Variants in JPH4 observed in about 807,000 individuals in gnomAD.
JPH4 encodes junctophilin-4.
A neutral mutation model predicts 57.6 loss-of-function variants in JPH4; 18 were observed. The observed-to-expected ratio is 0.31, with a 90% CI of 0.22 to 0.46. The LOEUF (loss-of-function observed/expected upper bound fraction) is 0.46. Among genes scored for constraint, JPH4 ranks in the 20% least tolerant of loss-of-function variants. JPH4 has a pLI of 1.00. For missense variants in JPH4, 727 were observed against 911.1 expected (o/e 0.80, Z 2.60); for synonymous variants, 425 against 406.6 (o/e 1.05, Z -0.54).
intron 3 of JPH4, among the ~76,000 whole-genome samples, chr14:23,574,214 G>A (rs374164048): frequency 2.6e-4 from 38 of 146,104 alleles, no homozygotes; most frequent in Non-Finnish European, 4.9e-4. Flanking sequence ...CACTTTTCTC[G>A]CCCAGGCTAG....
In JPH4 at chr14:23,577,658, G is replaced by A. The variant is rs78998257; in HGVS notation, c.-171-34C>T. 1.3e-3 allele frequency: 539 copies of A among 426,798 alleles called. 11 individuals carry two copies. The East Asian group carries it at 0.018, about 14-fold the overall frequency. The allele number at this position is 426,798 out of a possible 1,614,324, so 26.4% of individuals were successfully genotyped here. ...AAAGAGGGAGGGGGGCAAGTGGCGA[G>A]AGAGGCCCCTCCTCTTTGCCCGCCG... On this transcript the variant is annotated intron_variant, in intron 1 of 5. Coordinates refer to ENST00000356300, the MANE Select transcript of JPH4 (RefSeq NM_001146028.2). This position sits in a 1 kb window ranked among gnomAD's most constrained non-coding sequence, Gnocchi z 8.4.
rs1889307610 is a variant in JPH4, at chr14:23,577,621, G to A, written c.-168C>T. ...AGGCAGGGCCGGACCCTCATCCTGA[G>A]TGGCTGCGGAGAAAGAGGGAGGGGG... is the stretch of plus-strand genomic sequence containing the variant. On this transcript the variant is annotated 5_prime_UTR_variant, in exon 2 of 6. Transcript: ENST00000356300. This position sits in a 1 kb window ranked among gnomAD's most constrained non-coding sequence, Gnocchi z 8.4. The A allele has an allele frequency of 4.3e-6, 2 of 463,894 alleles. No individual in the cohort carries two copies. Among genetic ancestry groups the A allele is most frequent in the Non-Finnish European group, 7.3e-6 (2 of 273,326 alleles). 28.7% of individuals were successfully genotyped at this position (463,894 alleles called of 1,614,324 possible). A position where few individuals can be genotyped will look rare whatever the true frequency, so the allele number is the denominator to read the frequency against.
Position 23,571,674 on chromosome 14 carries a change from G to C in JPH4, c.1270+128C>G. The C allele has an allele frequency of 6.6e-6, 7 of 1,055,498 alleles. No individual in the cohort carries two copies. Among genetic ancestry groups the C allele is most frequent in the Non-Finnish European group, 8.4e-6 (6 of 711,478 alleles). 65.4% of individuals were successfully genotyped at this position (1,055,498 alleles called of 1,614,324 possible). A position where few individuals can be genotyped will look rare whatever the true frequency, so the allele number is the denominator to read the frequency against. The stretch of plus-strand genomic sequence containing the variant: ...GTCTGGCCCCCACCCTGTGTTCCTT[G>C]CACCCTCATTCCTTGTTTTTTCCCA... On this transcript the variant is annotated intron_variant, in intron 4 of 5. Transcript: ENST00000356300. This position sits in a 1 kb window ranked among gnomAD's most constrained non-coding sequence, Gnocchi z 4.6.
In JPH4 at chr14:23,576,142, C is replaced by G; in HGVS notation, c.694G>C (p.Gly232Arg). Residue 232 changes from glycine to arginine, a missense_variant, in exon 3 of 6, where the codon GGA becomes CGA. Gly to Arg is a moderately radical substitution (Grantham distance 125). Around this residue, in one of 7 missense-constraint regions of JPH4, gnomAD observed 131 missense variants for 156.5 expected, o/e 0.84. Transcript: ENST00000356300. The surrounding 1 kb of genome is among the most constrained non-coding windows in gnomAD (Gnocchi z 8.0). ...SLLLSGLRAG[G>R]RRSSLGSKRG... is the part of the protein sequence containing the mutation. ...TTGCTGCCCAGGGAGCTGCGACGTC[C>G]GCCCGCTCGGAGCCCGCTGAGCAGC... 7.6e-7 allele frequency: 1 copy of G among 1,310,258 alleles called. No homozygotes were observed. Among genetic ancestry groups the G allele is most frequent in the Non-Finnish European group, 9.7e-7 (1 of 1,028,836 alleles). The allele number at this position is 1,310,258 out of a possible 1,614,324, so 81.2% of individuals were successfully genotyped here.
rs1471312697 is a variant in JPH4 at position 23,571,803 on chromosome 14, T to C, written c.1269A>G (p.Pro423=). The C allele has an allele frequency of 1.5e-5, 24 of 1,611,772 alleles. No homozygotes were observed. Among genetic ancestry groups the C allele is most frequent in the Non-Finnish European group, 1.9e-5 (23 of 1,179,538 alleles). The change falls in exon 4 of 6, where the codon CCA becomes CCG. Residue 423 remains proline (P), a splice_region_variant and synonymous_variant. Coordinates refer to ENST00000356300, the MANE Select transcript of JPH4 (RefSeq NM_001146028.2). The surrounding 1 kb of genome is among the most constrained non-coding windows in gnomAD (Gnocchi z 4.6). The stretch of plus-strand genomic sequence containing the variant: ...TCCCCCCAGCTGTCCATGCCTCACC[T>C]GGGGCCTCTAGCATGGGCTGCAGGT... ...AQDLQPMLEA[P]GRRPRQDSEG... is the part of the protein sequence containing the mutation.
rs753011998 is a variant in JPH4, at chr14:23,570,931, C to T, written c.1800G>A (p.Gln600=). ...GEPAATERPA[Q]PGAANPLVVG... ...CAGCAGGGACAGAGGATCTCACCGGCTGGGCAGGCCTCTCGGTTGCAGCGG... is the reference window on the plus strand; with the variant it reads ...CAGCAGGGACAGAGGATCTCACCGGTTGGGCAGGCCTCTCGGTTGCAGCGG... Residue 600 remains glutamine, a synonymous_variant, in exon 5 of 6, where the codon CAG becomes CAA. Transcript: ENST00000356300. 1.3e-6 allele frequency: 2 copies of T among 1,508,974 alleles called. No homozygotes were observed. Among genetic ancestry groups the T allele is most frequent in the Non-Finnish European group, 1.8e-6 (2 of 1,129,896 alleles). 93.5% of individuals were successfully genotyped at this position (1,508,974 alleles called of 1,614,324 possible).
intron 3 of JPH4, chr14:23,572,934 C>G (rs772677457): frequency 8.5e-6 from 6 of 702,488 alleles, no homozygotes; most frequent in Non-Finnish European, 1.6e-5. Context: ...CCTCAGTTTT[C>G]TCTTCCCTTT....
rs754129371 is a variant in JPH4 at position 23,571,088 on chromosome 14, T to A, written c.1643A>T (p.Glu548Val). ...CAGCGGGGGCAGGGGCTCTTCATCC[T>A]CCCCCTCCTCCTCTCGAAGACTTCC... ...SSGSLREEEGEDEEPLPPLRA... is the reference protein window; with the variant it reads ...SSGSLREEEGVDEEPLPPLRA... The change falls in exon 5 of 6, where the codon GAG (glutamate) becomes GTG (valine). Residue 548 changes from glutamate (E) to valine (V), a missense_variant. Physicochemically the swap from Glu to Val is moderately radical, Grantham distance 121. This residue lies in a region of JPH4 where 293 missense variants were observed against 279.8 expected (regional missense o/e 1.05). Transcript: ENST00000356300. The surrounding 1 kb of genome is among the most constrained non-coding windows in gnomAD (Gnocchi z 4.6). 1.9e-6 allele frequency: 3 copies of A among 1,613,182 alleles called. No homozygotes were observed. The East Asian group carries it at 6.7e-5, about 36-fold the overall frequency.
chr14:23,574,201 G>T (rs373607943), intron 3 of JPH4, among the ~76,000 whole-genome samples: 161 of 147,124 alleles, frequency 1.1e-3, no homozygotes, highest in African/African-American at 3.9e-3. Context: ...TTAGACTGGC[G>T]TTCACTTTTC....
chr14:23,574,643 G>A (rs1017393838), intron 3 of JPH4, among the ~76,000 whole-genome samples: 2 of 152,246 alleles, frequency 1.3e-5, no homozygotes, highest in African/African-American at 4.8e-5. Context: ...AGCCTCGCTT[G>A]CTGCCCAGGG....
At chr14:23,572,808 T>G (rs1889184503) in intron 3 of JPH4, 1 of 696,874 alleles carries the variant, frequency 1.4e-6, no homozygotes, top group Admixed American at 2.0e-5. Flanking sequence ...AAACCCTTAG[T>G]CTCCCTTCCA....
rs561872791 is a variant in JPH4 at position 23,575,300 on chromosome 14, G to C, written c.1151+385C>G. 39 of 281,958 alleles carry C rather than the reference G, an allele frequency of 1.4e-4. No homozygotes were observed. The highest frequency in any genetic ancestry group is 2.2e-4 in the Non-Finnish European group (32 of 147,386). The allele number at this position is 281,958 out of a possible 1,614,324, so 17.5% of individuals were successfully genotyped here. On this transcript the variant is annotated intron_variant, in intron 3 of 5. Coordinates refer to ENST00000356300, the MANE Select transcript of JPH4 (RefSeq NM_001146028.2). The surrounding 1 kb of genome is among the most constrained non-coding windows in gnomAD (Gnocchi z 6.9). ...GCTCCCAGCCTGAGGCCTGGAGGCT[G>C]GATCAGCTGCAAGAGGAGGAAGACT...
At chr14:23,574,790 C>A (rs755881361) in intron 3 of JPH4, among the ~76,000 whole-genome samples, 6 of 152,056 alleles carry the variant, frequency 3.9e-5, no homozygotes, top group Non-Finnish European at 7.4e-5. Flanking sequence ...ATCACACCTG[C>A]TTTTTTTAAT....
chr14:23,575,654 C>T lies in JPH4; in HGVS notation c.1151+31G>A, dbSNP rs764293411. On this transcript the variant is annotated intron_variant, in intron 3 of 5. Coordinates refer to ENST00000356300, the MANE Select transcript of JPH4 (RefSeq NM_001146028.2). This position sits in a 1 kb window ranked among gnomAD's most constrained non-coding sequence, Gnocchi z 6.9. ...TCCCCAGCGCACCCCCTCCTCTTAG[C>T]CCAGCTTTGGCCTCTGAACTGGACG... 5 of 1,575,632 alleles carry T rather than the reference C, an allele frequency of 3.2e-6. No homozygotes were observed. In the Admixed American group the frequency reaches 5.4e-5, roughly 17 times the overall value.
chr14:23,577,564 C>T lies in JPH4; in HGVS notation c.-111G>A, dbSNP rs1889306111. The T allele has an allele frequency of 1.3e-5, 12 of 941,054 alleles. No homozygotes were observed. The highest frequency in any genetic ancestry group is 1.7e-5 in the African/African-American group (1 of 57,560). The allele number at this position is 941,054 out of a possible 1,614,324, so 58.3% of individuals were successfully genotyped here. On this transcript the variant is annotated 5_prime_UTR_variant, in exon 2 of 6. Transcript: ENST00000356300. The surrounding 1 kb of genome is among the most constrained non-coding windows in gnomAD (Gnocchi z 8.4). ...AGGCCTCGGGGCGGGGGCAGTTAGACCGGGGCCGGGCGGGGGGGCCCCAGC... is the reference window on the plus strand; with the variant it reads ...AGGCCTCGGGGCGGGGGCAGTTAGATCGGGGCCGGGCGGGGGGGCCCCAGC...
rs148231037 is a variant in JPH4 at position 23,568,325 on chromosome 14, G to A, written c.*1309C>T. On this transcript the variant is annotated 3_prime_UTR_variant, in exon 6 of 6. Transcript: ENST00000356300. ...GCAGCTTGCCTCTGCCTCATGCAGG[G>A]GAGGGAGGAAAGATCCCCTGGGGAC... is the stretch of plus-strand genomic sequence containing the variant. 1,687 of 985,852 alleles carry A rather than the reference G, an allele frequency of 1.7e-3. 4 individuals are homozygous for A. Among genetic ancestry groups the A allele is most frequent in the Middle Eastern group, 2.6e-3 (5 of 1,914 alleles). 61.1% of individuals were successfully genotyped at this position (985,852 alleles called of 1,614,324 possible).
At position 23,568,735 on chromosome 14, in the gene JPH4, T is replaced by G. The variant is rs1888928068; in HGVS notation, c.*899A>C. ...TGCCTCTAACCCTCTGCAGTAGAAA[T>G]GTCTTCTTCAGGCCCCTTAGGAATT... On this transcript the variant is annotated 3_prime_UTR_variant, in exon 6 of 6. Coordinates refer to ENST00000356300, the MANE Select transcript of JPH4 (RefSeq NM_001146028.2). The G allele has an allele frequency of 9.1e-6, 9 of 985,888 alleles. No individual in the cohort carries two copies. Among genetic ancestry groups the G allele is most frequent in the Non-Finnish European group, 1.1e-5 (9 of 829,980 alleles). 61.1% of individuals were successfully genotyped at this position (985,888 alleles called of 1,614,324 possible). A position where few individuals can be genotyped will look rare whatever the true frequency, so the allele number is the denominator to read the frequency against.
intron 3 of JPH4, 83 bp from the exon 4 acceptor site, chr14:23,572,003 C>T: frequency 8.3e-7 from 1 of 1,205,572 alleles, no homozygotes; most frequent in South Asian, 1.3e-5. Flanking sequence ...CCCCCTAGCC[C>T]CTGTCCCCTC....
chr14:23,575,936 G>A lies in JPH4; in HGVS notation c.900C>T (p.Ser300=), dbSNP rs1340309259. Reference sequence around the variant, plus strand: ...ACTCGCCCTCGTAGCGCAGCCCGTTGGAGCGCTGGCTGACGCCGAAGCCGC... The same window carrying A: ...ACTCGCCCTCGTAGCGCAGCCCGTTAGAGCGCTGGCTGACGCCGAAGCCGC... The part of the protein sequence containing the change: ...RRSGFGVSQR[S]NGLRYEGEWL... Residue 300 remains serine (S), a synonymous_variant, in exon 3 of 6, where the codon TCC becomes TCT. Coordinates refer to ENST00000356300, the MANE Select transcript of JPH4 (RefSeq NM_001146028.2). This position sits in a 1 kb window ranked among gnomAD's most constrained non-coding sequence, Gnocchi z 6.9. 1.9e-6 allele frequency: 3 copies of A among 1,554,146 alleles called. No homozygotes were observed. The highest frequency in any genetic ancestry group is 1.2e-5 in the South Asian group (1 of 83,524).
Sources: allele counts gnomAD v4.1 joint callset (sites outside exome capture counted in the v4.1 genomes callset), GRCh38; gene constraint gnomAD v4.1.1; regional missense constraint gnomAD v4.1.1; non-coding constraint Gnocchi (gnomAD v3.1); transcripts MANE v1.5; gene names NCBI Gene and HGNC (gene_info 2026-07-23, HGNC 2026-07-21).